HLCS: variants seen among roughly 807,000 people sequenced by gnomAD.
HLCS encodes biotin--protein ligase.
In HLCS, 53 loss-of-function variants were observed where a neutral mutation model predicts 75.0. That is an observed-to-expected ratio of 0.71 (90% CI 0.57 to 0.89). The LOEUF (loss-of-function observed/expected upper bound fraction) is 0.89, where lower values mean the gene tolerates loss of function less well. HLCS is among the 40% of genes least tolerant of loss of function. The pLI is 0.00. For missense variants in HLCS, 966 were observed against 1,074.0 expected (o/e 0.90, Z 1.41); for synonymous variants, 431 against 428.6 (o/e 1.01, Z -0.07).
At chr21:36,832,263 G>T (rs2146053956) in intron 6 of HLCS, among the ~76,000 whole-genome samples, 1 of 152,316 alleles carries the variant, frequency 6.6e-6, no homozygotes, top group East Asian at 1.9e-4. Context: ...GGCTGATGAG[G>T]AGGAAGAGGA....
intron 6 of HLCS, among the ~76,000 whole-genome samples, chr21:36,794,409 A>T (rs1412280549): frequency 6.6e-6 from 1 of 152,270 alleles, no homozygotes; most frequent in African/African-American, 2.4e-5. Flanking sequence ...TAGTGAGAGC[A>T]TACCATGAAG....
intron 1 of HLCS, among the ~76,000 whole-genome samples, chr21:36,979,828 G>A (rs958397533): frequency 1.4e-4 from 22 of 151,996 alleles, no homozygotes; most frequent in African/African-American, 3.9e-4. Context: ...AGGCAAAAGC[G>A]GGCAAATCAC....
intron 6 of HLCS, among the ~76,000 whole-genome samples, chr21:36,820,219 C>T (rs1288840195): frequency 1.3e-5 from 1 of 76,782 alleles, no homozygotes; most frequent in Non-Finnish European, 3.1e-5. Context: ...GATAGTGAGG[C>T]CCCGTGCCAG....
intron 6 of HLCS, among the ~76,000 whole-genome samples, chr21:36,784,825 A>G (rs1200920408): frequency 6.6e-6 from 1 of 152,070 alleles, no homozygotes; most frequent in Non-Finnish European, 1.5e-5. Flanking sequence ...GTTCTGTGCT[A>G]TGTGTCTGAA....
intron 6 of HLCS, among the ~76,000 whole-genome samples, chr21:36,894,846 GT>G (rs11418922): frequency 3.7e-4 from 55 of 147,364 alleles, no homozygotes; most frequent in Non-Finnish European, 4.5e-4. Flanking sequence ...TAAGGCAGAG[GT>G]TTTTTTTTTT....
At chr21:36,829,719 C>A (rs188971301) in intron 6 of HLCS, among the ~76,000 whole-genome samples, 102 of 152,228 alleles carry the variant, frequency 6.7e-4, no homozygotes, top group Admixed American at 2.2e-3. Flanking sequence ...TTTCAAGATA[C>A]TAAAAAACCT....
At chr21:36,947,824 TG>T (rs900462523) in intron 2 of HLCS, 2 of 985,220 alleles carry the variant, frequency 2.0e-6, no homozygotes, top group Admixed American at 6.2e-5. Flanking sequence ...CTGCAGTGAG[TG>T]GGGAACAGAA....
chr21:36,946,570 G>A (rs2067407472), intron 2 of HLCS, among the ~76,000 whole-genome samples: 1 of 151,794 alleles, frequency 6.6e-6, no homozygotes, highest in Non-Finnish European at 1.5e-5. Flanking sequence ...TTCCTTAGTA[G>A]CTCATTTCTC....
At chr21:36,983,504 C>G (rs755043618) in intron 1 of HLCS, among the ~76,000 whole-genome samples, 1 of 151,980 alleles carries the variant, frequency 6.6e-6, no homozygotes, top group Non-Finnish European at 1.5e-5. Flanking sequence ...AGCCACTGCG[C>G]CCAGCCTGTG....
At chr21:36,810,975 A>G (rs1354414780) in intron 6 of HLCS, among the ~76,000 whole-genome samples, 3 of 152,208 alleles carry the variant, frequency 2.0e-5, no homozygotes, top group African/African-American at 7.2e-5. Context: ...TCTGAAGAAA[A>G]GAGAGACTTA....
At chr21:36,767,657 C>T (rs1424875799) in intron 6 of HLCS, among the ~76,000 whole-genome samples, 1 of 152,062 alleles carries the variant, frequency 6.6e-6, no homozygotes, top group Non-Finnish European at 1.5e-5. Context: ...CTTCAAGTGA[C>T]AACTAGCAAT....
At position 36,948,728 on chromosome 21, in the gene HLCS, CAAAAAAAA is replaced by C. The variant is rs58685577; in HGVS notation, c.331-9742_331-9735del. 8.4e-3 allele frequency among the ~76,000 whole-genome samples: 471 copies of C among 55,886 alleles called. 4 individuals are homozygous for C. The highest frequency in any genetic ancestry group is 0.019 in the African/African-American group (213 of 11,462). 36.7% of individuals were successfully genotyped at this position (55,886 alleles called of 152,430 possible). A position where few individuals can be genotyped will look rare whatever the true frequency, so the allele number is the denominator to read the frequency against. On this transcript the variant is annotated intron_variant, in intron 2 of 10. Coordinates refer to ENST00000674895, the MANE Select transcript of HLCS (RefSeq NM_001352514.2). ...TGGATGACAGAATGAGACCCTGTCT[CAAAAAAAA>C]AAAAAAAAAAAAAAAAAAGACAATA...
intron 8 of HLCS, among the ~76,000 whole-genome samples, chr21:36,761,691 T>C (rs976571813): frequency 4.6e-5 from 7 of 152,130 alleles, no homozygotes; most frequent in African/African-American, 1.7e-4. Flanking sequence ...CACATATCAA[T>C]AGCACTGGGC....
rs765582905 is a variant in HLCS, at chr21:36,765,023, G to C, written c.2110C>G (p.Pro704Ala). 6.2e-7 allele frequency: 1 copy of C among 1,614,230 alleles called. No individual in the cohort carries two copies. Among genetic ancestry groups the C allele is most frequent in the Non-Finnish European group, 8.5e-7 (1 of 1,180,038 alleles). The change falls in exon 8 of 11, where the codon CCC becomes GCC. Residue 704 changes from proline (P) to alanine (A), a missense_variant. By Grantham distance (27) the Pro-to-Ala change is conservative. Coordinates refer to ENST00000674895, the MANE Select transcript of HLCS (RefSeq NM_001352514.2). Reference protein sequence around the residue: ...VAVVEAVRSIPEYQDINLRVK... With the variant: ...VAVVEAVRSIAEYQDINLRVK... ...TGAACTGTACCTACCTGATACTCGG[G>C]AATGGACCTCACTGCTTCCACGACA...
intron 5 of HLCS, among the ~76,000 whole-genome samples, chr21:36,921,923 A>T (rs1330082023): frequency 6.6e-6 from 1 of 152,150 alleles, no homozygotes; most frequent in Non-Finnish European, 1.5e-5. Flanking sequence ...CACTCCACAA[A>T]GGCACGTTCT....
intron 5 of HLCS, among the ~76,000 whole-genome samples, chr21:36,926,742 T>A (rs1011606224): frequency 1.8e-5 from 1 of 56,612 alleles, no homozygotes. Flanking sequence ...TCTTGTTTCC[T>A]TTTTTTTTTT....
intron 5 of HLCS, among the ~76,000 whole-genome samples, chr21:36,928,305 A>C (rs929189362): frequency 9.9e-5 from 15 of 152,250 alleles, no homozygotes; most frequent in Admixed American, 9.2e-4. Flanking sequence ...CGGGAGCGCC[A>C]TGCCTGTAAT....
chr21:36,774,430 C>T (rs1175969292), intron 6 of HLCS, among the ~76,000 whole-genome samples: 1 of 152,112 alleles, frequency 6.6e-6, no homozygotes, highest in Non-Finnish European at 1.5e-5. Flanking sequence ...TAAAATGGAA[C>T]ATTTTGTGCA....
chr21:36,802,008 G>A (rs1239217766), intron 6 of HLCS, among the ~76,000 whole-genome samples: 1 of 152,078 alleles, frequency 6.6e-6, no homozygotes. Context: ...TATTCATAAT[G>A]TATATGACAT....
Sources: allele counts gnomAD v4.1 joint callset (sites outside exome capture counted in the v4.1 genomes callset), GRCh38; gene constraint gnomAD v4.1.1; transcripts MANE v1.5; gene names NCBI Gene and HGNC (gene_info 2026-07-23, HGNC 2026-07-21).